Variants in UBA6 observed in about 807,000 individuals in gnomAD.
UBA6 encodes the protein ubiquitin-like modifier-activating enzyme 6.
Under a neutral mutation model 148.3 loss-of-function variants are expected in UBA6, and 87 were observed. The observed-to-expected ratio is 0.59, with a 90% confidence interval of 0.49 to 0.70. The LOEUF is 0.70. UBA6 is among the 30% of genes least tolerant of loss of function. UBA6 has a pLI of 0.00. For synonymous variants in UBA6, 376 were observed against 401.0 expected (o/e 0.94, Z 0.75); for missense variants, 1,186 against 1,241.2 (o/e 0.96, Z 0.67).
intron 27 of UBA6, 130 bp downstream of exon 27, chr4:67,628,940 CA>C: frequency 1.5e-6 from 1 of 677,470 alleles, no homozygotes; most frequent in Non-Finnish European, 2.6e-6. Flanking sequence ...AAATCTACTT[CA>C]AACTCAAGTT....
intron 28 of UBA6, 127 bp from the exon 29 acceptor site, chr4:67,625,314 A>G: frequency 1.3e-6 from 1 of 742,650 alleles, no homozygotes; most frequent in Non-Finnish European, 2.0e-6. Context: ...TGAGAAACAT[A>G]AGAAAAATTC....
At chr4:67,697,196 G>C (rs372030678) in intron 1 of UBA6, among the ~76,000 whole-genome samples, 1 of 152,120 alleles carries the variant, frequency 6.6e-6, no homozygotes, top group Non-Finnish European at 1.5e-5. Flanking sequence ...GTAGAGATGG[G>C]GTTTTACCAT....
chr4:67,644,985 G>A (rs931026487), intron 16 of UBA6, among the ~76,000 whole-genome samples: 1 of 151,922 alleles, frequency 6.6e-6, no homozygotes, highest in Non-Finnish European at 1.5e-5. Flanking sequence ...AACTGCTTAT[G>A]TAAGATAGAA....
chr4:67,630,006 T>C (rs1728958703), intron 26 of UBA6, among the ~76,000 whole-genome samples: 2 of 152,104 alleles, frequency 1.3e-5, no homozygotes, highest in Non-Finnish European at 2.9e-5. Context: ...AGAATGAGTA[T>C]GATGCTAAAG....
chr4:67,653,240 C>A (rs1174039159), intron 13 of UBA6, among the ~76,000 whole-genome samples: 1 of 152,184 alleles, frequency 6.6e-6, no homozygotes, highest in African/African-American at 2.4e-5. Context: ...GGTCCCTGAC[C>A]CCCATGTAGA....
intron 14 of UBA6, among the ~76,000 whole-genome samples, chr4:67,647,310 A>G (rs1729441928): frequency 6.6e-6 from 1 of 151,572 alleles, no homozygotes; most frequent in African/African-American, 2.4e-5. Flanking sequence ...TGCCTGGCTA[A>G]TTTTTTTGTA....
At chr4:67,681,069 C>T (rs538814746) in intron 4 of UBA6, among the ~76,000 whole-genome samples, 3 of 152,194 alleles carry the variant, frequency 2.0e-5, no homozygotes, top group South Asian at 2.1e-4. Flanking sequence ...GAGTCATGCC[C>T]GAATCCTGAC....
chr4:67,630,952 A>C (rs1428080156), intron 25 of UBA6, among the ~76,000 whole-genome samples: 1 of 152,240 alleles, frequency 6.6e-6, no homozygotes, highest in African/African-American at 2.4e-5. Context: ...CTTATAGAAG[A>C]AGCAGTCCAG....
intron 12 of UBA6, 159 bp from the exon 13 acceptor site, chr4:67,662,414 T>C (rs948582694): frequency 1.7e-5 from 9 of 539,888 alleles, no homozygotes; most frequent in African/African-American, 3.8e-5. Flanking sequence ...GATTGGCTTA[T>C]AAATACATTA....
intron 9 of UBA6, among the ~76,000 whole-genome samples, chr4:67,667,270 C>G (rs1730026228): frequency 2.0e-5 from 3 of 151,902 alleles, no homozygotes; most frequent in African/African-American, 7.3e-5. Context: ...AGTCAGGAAA[C>G]AAAATTAAAC....
At position 67,626,398 on chromosome 4, in the gene UBA6, T is replaced by C; in HGVS notation, c.2480A>G (p.Gln827Arg). 6.2e-7 allele frequency: 1 copy of C among 1,611,396 alleles called. No individual in the cohort carries two copies. Among genetic ancestry groups the C allele is most frequent in the Non-Finnish European group, 8.5e-7 (1 of 1,178,256 alleles). ...ATTAGATAAAATAGCCTTTTCTAGT[T>C]GGAAAATTGCATTCCTCTCATCTTC... is the stretch of plus-strand genomic sequence containing the variant. ...SSEDERNAIF[Q>R]LEKAILSNEA... is the part of the protein sequence containing the mutation. Residue 827 changes from glutamine to arginine, a missense_variant, in exon 28 of 33, where the codon CAA (glutamine) becomes CGA (arginine). Coordinates refer to ENST00000322244, the MANE Select transcript of UBA6 (RefSeq NM_018227.6).
intron 2 of UBA6, among the ~76,000 whole-genome samples, chr4:67,689,915 G>A (rs1448382467): frequency 6.6e-6 from 1 of 151,994 alleles, no homozygotes; most frequent in Non-Finnish European, 1.5e-5. Context: ...AAAAGCTCAT[G>A]GTCTGACAGA....
At chr4:67,648,250 C>G (rs765399583) in intron 14 of UBA6, among the ~76,000 whole-genome samples, 1 of 151,148 alleles carries the variant, frequency 6.6e-6, no homozygotes, top group East Asian at 2.0e-4. Flanking sequence ...GGGTGGATCA[C>G]GAAGTCAGGA....
At chr4:67,696,784 C>T (rs1300286821) in intron 1 of UBA6, 77 bp from the exon 2 acceptor site, 7 of 1,186,090 alleles carry the variant, frequency 5.9e-6, no homozygotes, top group Non-Finnish European at 8.5e-6. Context: ...TCAGATTCAC[C>T]AGTTACTAAA....
chr4:67,627,355 C>T (rs1487909343), intron 27 of UBA6, among the ~76,000 whole-genome samples: 1 of 151,898 alleles, frequency 6.6e-6, no homozygotes, highest in Non-Finnish European at 1.5e-5. Flanking sequence ...ATACCTGAAA[C>T]TTCGGTGTGA....
rs750318258 is a variant in UBA6, at chr4:67,662,212, T to C, written c.1081A>G (p.Ile361Val). 8.1e-6 allele frequency: 13 copies of C among 1,613,704 alleles called. No homozygotes were observed. The highest frequency in any genetic ancestry group is 4.4e-5 in the South Asian group (4 of 91,062). Reference sequence around the variant, plus strand: ...ACCTTCTCTTCCAAGGTTTCACTTATAGATGTTGCTAGTTTCAACAGTTCT... The same window carrying C: ...ACCTTCTCTTCCAAGGTTTCACTTACAGATGTTGCTAGTTTCAACAGTTCT... ...SEELLKLATS[I>V]SETLEEKPDV... Residue 361 changes from isoleucine (I) to valine (V), a missense_variant, in exon 13 of 33, where the codon ATA (isoleucine) becomes GTA (valine). Transcript: ENST00000322244.
rs942137564 is a variant in UBA6, at chr4:67,629,134, T to C, written c.2337A>G (p.Ser779=). ...AAAGAATATTCAAGAGGGCATCTGCTGATAAGTCCTGTTTTTAAAAAAGTA... is the reference window on the plus strand; with the variant it reads ...AAAGAATATTCAAGAGGGCATCTGCCGATAAGTCCTGTTTTTAAAAAAGTA... ...YCIPFAEEDL[S]ADALLNILSE... The change falls in exon 27 of 33, where the codon TCA becomes TCG. Residue 779 remains serine, a synonymous_variant. Transcript: ENST00000322244. The C allele has an allele frequency of 3.1e-6, 5 of 1,606,098 alleles. No individual in the cohort carries two copies. In the African/African-American group the frequency reaches 6.7e-5, roughly 21 times the overall value.
Position 67,634,334 on chromosome 4 carries a change from A to G in UBA6, c.1933-12T>C, listed in dbSNP as rs1348995659. ...AAGGAACTTTCAAACTGTAACAGAG[A>G]AAAGAAAAAAAAAATTACAAATAGA... On this transcript the variant is annotated splice_polypyrimidine_tract_variant and intron_variant, in intron 21 of 32. Coordinates refer to ENST00000322244, the MANE Select transcript of UBA6 (RefSeq NM_018227.6). 4.5e-6 allele frequency: 7 copies of G among 1,571,880 alleles called. No homozygotes were observed. Among genetic ancestry groups the G allele is most frequent in the East Asian group, 2.2e-5 (1 of 44,460 alleles).
chr4:67,639,813 T>G (rs1179308444), intron 18 of UBA6, among the ~76,000 whole-genome samples: 1 of 152,136 alleles, frequency 6.6e-6, no homozygotes, highest in East Asian at 1.9e-4. Context: ...ACAATATACA[T>G]TAACAAAAGG....
Sources: allele counts gnomAD v4.1 joint callset (sites outside exome capture counted in the v4.1 genomes callset), GRCh38; gene constraint gnomAD v4.1.1; transcripts MANE v1.5; gene names NCBI Gene and HGNC (gene_info 2026-07-23, HGNC 2026-07-21).